KCNN2: variants seen among roughly 807,000 people sequenced by gnomAD.
KCNN2 encodes small conductance calcium-activated potassium channel protein 2.
Under a neutral mutation model 55.5 loss-of-function variants are expected in KCNN2, and 24 were observed. The ratio of observed to expected loss-of-function variants is 0.43; its 90% confidence interval spans 0.31 to 0.61. The LOEUF is 0.61. KCNN2 is among the 20% of genes least tolerant of loss of function. The pLI is 0.08. For synonymous variants in KCNN2, 431 were observed against 336.1 expected, an observed-to-expected ratio of 1.28 and a Z score of -3.09; for missense variants, 754 against 853.6, an observed-to-expected ratio of 0.88 and a Z score of 1.45.
intron 2 of KCNN2, among the ~76,000 whole-genome samples, chr5:114,348,270 C>G (rs1757149010): frequency 8.2e-6 from 1 of 121,716 alleles, no homozygotes; most frequent in Non-Finnish European, 1.6e-5. Flanking sequence ...CCACAAGAAG[C>G]CATTACGAGG....
At chr5:114,294,286 G>C (rs886775740) in intron 2 of KCNN2, among the ~76,000 whole-genome samples, 1 of 151,968 alleles carries the variant, frequency 6.6e-6, no homozygotes, top group African/African-American at 2.4e-5. Context: ...TGTGATGTTA[G>C]GGTGTCAATT....
At chr5:114,422,682 TC>T (rs1470203338) in intron 3 of KCNN2, among the ~76,000 whole-genome samples, 1 of 152,216 alleles carries the variant, frequency 6.6e-6, no homozygotes, top group Non-Finnish European at 1.5e-5. Context: ...TATTTAAGTG[TC>T]GTCTTTTAAA....
At position 114,094,627 on chromosome 5, in the gene KCNN2, A is replaced by G. The variant is rs185234460; in HGVS notation, c.-271+38127A>G. ...TGATTTTTCAAAGGTTAAATACAGT[A>G]ACACCTCCTGAATTTAGCTTTGCTG... On this transcript the variant is annotated intron_variant, in intron 1 of 10. Coordinates refer to the KCNN2 transcript ENST00000512097. Among the ~76,000 whole-genome samples, 35 of 152,352 alleles carry G rather than the reference A, an allele frequency of 2.3e-4. No homozygotes were observed. In the East Asian group the frequency reaches 3.9e-3, roughly 17 times the overall value.
At chr5:114,493,262 A>G in intron 6 of KCNN2, 141 bp from the exon 7 acceptor site, 5 of 724,866 alleles carry the variant, frequency 6.9e-6, no homozygotes, top group Non-Finnish European at 1.3e-5. Flanking sequence ...CAGACACATA[A>G]CCAGTTTGGA....
intron 1 of KCNN2, among the ~76,000 whole-genome samples, chr5:114,064,909 A>C (rs1750413119): frequency 6.6e-6 from 1 of 152,208 alleles, no homozygotes; most frequent in African/African-American, 2.4e-5. Flanking sequence ...CCCTTGTATC[A>C]TCCAGAGATC....
chr5:114,193,702 A>G (rs768613761), intron 1 of KCNN2, among the ~76,000 whole-genome samples: 2 of 152,156 alleles, frequency 1.3e-5, no homozygotes, highest in Non-Finnish European at 2.9e-5. Context: ...CAGTTCCTAA[A>G]TGTTGAAAAC....
chr5:114,139,469 C>A (rs1013224038), intron 1 of KCNN2, among the ~76,000 whole-genome samples: 1 of 144,372 alleles, frequency 6.9e-6, no homozygotes, highest in Admixed American at 7.0e-5. Flanking sequence ...ACCCCCCCCA[C>A]ACACACACAC....
At chr5:114,184,160 A>G (rs1411785065) in intron 1 of KCNN2, among the ~76,000 whole-genome samples, 1 of 152,178 alleles carries the variant, frequency 6.6e-6, no homozygotes, top group Non-Finnish European at 1.5e-5. Flanking sequence ...TGAAAGGCGA[A>G]GAGCACACTT....
At chr5:114,363,642 C>T (rs181164709) in intron 1 of KCNN2, among the ~76,000 whole-genome samples, 62 of 152,320 alleles carry the variant, frequency 4.1e-4, no homozygotes, top group African/African-American at 1.4e-3. Flanking sequence ...CCTGGAACAG[C>T]GGCGCTCGCT....
chr5:114,362,549 G>C lies in KCNN2; in HGVS notation c.410G>C (p.Ser137Thr), dbSNP rs868659165. 8 of 593,070 alleles carry C rather than the reference G, an allele frequency of 1.3e-5. No individual in the cohort carries two copies. Among genetic ancestry groups the C allele is most frequent in the African/African-American group, 2.0e-5 (1 of 50,172 alleles). The allele number at this position is 593,070 out of a possible 1,614,324, so 36.7% of individuals were successfully genotyped here. Residue 137 changes from serine (S) to threonine (T), a missense_variant, in exon 1 of 8, where the codon AGT becomes ACT. Coordinates refer to ENST00000673685, the MANE Select transcript of KCNN2 (RefSeq NM_021614.4). Reference sequence around the variant, plus strand: ...GAGCTGACGCCGTCCAGCCATGCCAGTGCGCTCCGGCAGCAGTACGCGCAG... The same window carrying C: ...GAGCTGACGCCGTCCAGCCATGCCACTGCGCTCCGGCAGCAGTACGCGCAG... ...VSELTPSSHA[S>T]ALRQQYAQQS...
At chr5:114,277,354 T>G (rs937301318) in intron 2 of KCNN2, among the ~76,000 whole-genome samples, 53 of 152,212 alleles carry the variant, frequency 3.5e-4, no homozygotes, top group African/African-American at 1.1e-3. Flanking sequence ...TGTGGTGTTC[T>G]CTGTGTTTCC....
chr5:114,373,403 A>G (rs1757824279), intron 2 of KCNN2, among the ~76,000 whole-genome samples: 1 of 151,478 alleles, frequency 6.6e-6, no homozygotes, highest in Admixed American at 6.6e-5. Context: ...GGAAGCTTTA[A>G]AAGTGTGATT....
intron 2 of KCNN2, among the ~76,000 whole-genome samples, chr5:114,228,815 T>C (rs1382757635): frequency 2.0e-5 from 3 of 152,076 alleles, no homozygotes; most frequent in Admixed American, 6.5e-5. Context: ...ATGTAAGGTT[T>C]GTATCATGTT....
chr5:114,312,614 C>A (rs1756429036), intron 2 of KCNN2, among the ~76,000 whole-genome samples: 1 of 151,440 alleles, frequency 6.6e-6, no homozygotes, highest in African/African-American at 2.4e-5. Context: ...TTGAATGCAA[C>A]CCCTGGAAAA....
intron 1 of KCNN2, among the ~76,000 whole-genome samples, chr5:114,120,273 G>T (rs1751800574): frequency 6.6e-6 from 1 of 152,150 alleles, no homozygotes; most frequent in African/African-American, 2.4e-5. Flanking sequence ...ATTTAGCACT[G>T]CCGCAGTAGT....
intron 4 of KCNN2, among the ~76,000 whole-genome samples, chr5:114,465,912 G>C (rs978720686): frequency 6.6e-6 from 1 of 152,180 alleles, no homozygotes; most frequent in Non-Finnish European, 1.5e-5. Context: ...AGACTAAGCA[G>C]ATTCCCATGG....
intron 2 of KCNN2, among the ~76,000 whole-genome samples, chr5:114,327,414 G>C (rs1444392671): frequency 2.0e-5 from 3 of 152,160 alleles, no homozygotes. Context: ...AAACACTTTT[G>C]GTGCAGTGCT....
chr5:114,405,217 G>A (rs1250926892), intron 3 of KCNN2, among the ~76,000 whole-genome samples: 1 of 152,188 alleles, frequency 6.6e-6, no homozygotes, highest in Non-Finnish European at 1.5e-5. Flanking sequence ...GTTGTTTGTT[G>A]TTGAGACAGA....
intron 1 of KCNN2, among the ~76,000 whole-genome samples, chr5:114,106,891 A>G (rs1479110851): frequency 6.6e-6 from 1 of 152,074 alleles, no homozygotes; most frequent in East Asian, 1.9e-4. Flanking sequence ...GGTCCAAGTT[A>G]TCAACCTTTT....
Sources: gnomAD v4.1 joint callset for allele counts (sites outside exome capture counted in the v4.1 genomes callset) on GRCh38, gnomAD v4.1.1 for gene constraint, MANE v1.5 for transcripts, NCBI Gene and HGNC (gene_info 2026-07-23, HGNC 2026-07-21) for gene names.